Variants in R3HDM1 observed in about 807,000 individuals in gnomAD.
R3HDM1 encodes R3H domain-containing protein 1.
A neutral mutation model predicts 141.1 loss-of-function variants in R3HDM1; 46 were observed. The ratio of observed to expected loss-of-function variants is 0.33; its 90% confidence interval spans 0.26 to 0.42. The LOEUF (loss-of-function observed/expected upper bound fraction) is 0.42. Among genes scored for constraint, R3HDM1 ranks in the 10% least tolerant of loss-of-function variants. R3HDM1 has a pLI of 1.00. For missense variants in R3HDM1, 1,184 were observed against 1,368.3 expected, an observed-to-expected ratio of 0.87 and a Z score of 2.12; for synonymous variants, 435 against 472.9, an observed-to-expected ratio of 0.92 and a Z score of 1.04.
At chr2:135,588,894 A>G (rs1309367167) in intron 1 of R3HDM1, among the ~76,000 whole-genome samples, 1 of 152,180 alleles carries the variant, frequency 6.6e-6, no homozygotes, top group Non-Finnish European at 1.5e-5. Flanking sequence ...AACAGCAGAT[A>G]TATGCTAGTA....
rs1008529997 is a variant in R3HDM1, at chr2:135,628,881, C to A, written c.498-2837C>A. Among the ~76,000 whole-genome samples the A allele has an allele frequency of 2.0e-5, 3 of 152,294 alleles. No homozygotes were observed. The East Asian group carries it at 5.8e-4, about 30-fold the overall frequency. ...CCTCAGGTGACCTGCCCACCTCAAC[C>A]TCCCAAAGTACTGGGATTACAGGCG... On this transcript the variant is annotated intron_variant, in intron 7 of 26. Coordinates refer to ENST00000683871, the MANE Select transcript of R3HDM1 (RefSeq NM_001378107.1).
intron 1 of R3HDM1, among the ~76,000 whole-genome samples, chr2:135,555,296 CAAAA>C (rs59569889): frequency 3.8e-5 from 3 of 79,524 alleles, no homozygotes; most frequent in South Asian, 4.4e-4. Flanking sequence ...ACTCTTGTCT[CAAAA>C]AAAAAAAAAA....
intron 1 of R3HDM1, among the ~76,000 whole-genome samples, chr2:135,532,654 TTTAAA>T (rs1695161490): frequency 6.6e-6 from 1 of 152,144 alleles, no homozygotes; most frequent in African/African-American, 2.4e-5. Context: ...GACAAAAACT[TTTAAA>T]TGAAAAGATG....
At chr2:135,614,018 C>T (rs971308797) in intron 3 of R3HDM1, among the ~76,000 whole-genome samples, 2 of 152,196 alleles carry the variant, frequency 1.3e-5, no homozygotes, top group African/African-American at 4.8e-5. Flanking sequence ...ACTTTAGTAA[C>T]TAATTCTGGA....
At chr2:135,691,552 G>T (rs1299199397) in intron 21 of R3HDM1, among the ~76,000 whole-genome samples, 3 of 151,980 alleles carry the variant, frequency 2.0e-5, no homozygotes, top group Non-Finnish European at 4.4e-5. Context: ...GCTGCAGTGA[G>T]CTGAGATCAA....
intron 21 of R3HDM1, among the ~76,000 whole-genome samples, chr2:135,706,569 G>A (rs2074952876): frequency 1.3e-5 from 2 of 151,920 alleles, no homozygotes. Flanking sequence ...ATTAGGGAGT[G>A]GTGATGACTC....
intron 3 of R3HDM1, among the ~76,000 whole-genome samples, chr2:135,611,176 C>G (rs183474266): frequency 6.6e-6 from 1 of 150,748 alleles, no homozygotes; most frequent in Non-Finnish European, 1.5e-5. Flanking sequence ...AATCCCAGCA[C>G]GTTGGGAGGC....
At chr2:135,630,666 A>G (rs1559292716) in intron 7 of R3HDM1, among the ~76,000 whole-genome samples, 1 of 152,174 alleles carries the variant, frequency 6.6e-6, no homozygotes, top group Admixed American at 6.5e-5. Flanking sequence ...CAGTTCTTCT[A>G]TTGAAATTGA....
At chr2:135,572,481 C>T (rs751334521) in intron 1 of R3HDM1, among the ~76,000 whole-genome samples, 2 of 152,074 alleles carry the variant, frequency 1.3e-5, no homozygotes, top group Non-Finnish European at 2.9e-5. Flanking sequence ...AAATCAAAAC[C>T]ACAATGAGAT....
intron 1 of R3HDM1, among the ~76,000 whole-genome samples, chr2:135,600,970 A>T (rs1376819071): frequency 6.6e-6 from 1 of 152,130 alleles, no homozygotes; most frequent in African/African-American, 2.4e-5. Context: ...CTATTGCCTT[A>T]TCTAGTACCT....
At chr2:135,580,739 C>T (rs1706623629) in intron 1 of R3HDM1, among the ~76,000 whole-genome samples, 1 of 152,174 alleles carries the variant, frequency 6.6e-6, no homozygotes, top group East Asian at 1.9e-4. Flanking sequence ...AAACTCTTAG[C>T]TTTCCTTGAA....
rs769568195 is a variant in R3HDM1 at position 135,724,494 on chromosome 2, G to A, written c.*202G>A. ...CCCACATGACTAGGAATCCACATCAGAATGATACAGAGTTAGCAGGTTTTT... is the reference window on the plus strand; with the variant it reads ...CCCACATGACTAGGAATCCACATCAAAATGATACAGAGTTAGCAGGTTTTT... On this transcript the variant is annotated 3_prime_UTR_variant, in exon 27 of 27. Coordinates refer to ENST00000683871, the MANE Select transcript of R3HDM1 (RefSeq NM_001378107.1). 2.9e-4 allele frequency: 144 copies of A among 498,034 alleles called. No homozygotes were observed. The highest frequency in any genetic ancestry group is 4.5e-4 in the Non-Finnish European group (127 of 283,296). The allele number at this position is 498,034 out of a possible 1,614,324, so 30.9% of individuals were successfully genotyped here. A position where few individuals can be genotyped will look rare whatever the true frequency, so the allele number is the denominator to read the frequency against.
intron 21 of R3HDM1, among the ~76,000 whole-genome samples, chr2:135,687,468 C>T (rs1489913184): frequency 1.3e-5 from 2 of 152,182 alleles, no homozygotes; most frequent in Non-Finnish European, 2.9e-5. Context: ...GGATTTGTGA[C>T]ATCCATTTTA....
At chr2:135,566,084 C>T (rs1457165580) in intron 1 of R3HDM1, among the ~76,000 whole-genome samples, 2 of 152,136 alleles carry the variant, frequency 1.3e-5, no homozygotes, top group Non-Finnish European at 2.9e-5. Context: ...GCTTTTCTCC[C>T]AACAGATATA....
intron 3 of R3HDM1, among the ~76,000 whole-genome samples, chr2:135,615,050 A>T (rs1171760110): frequency 6.6e-6 from 1 of 152,056 alleles, no homozygotes; most frequent in Non-Finnish European, 1.5e-5. Context: ...TAAGAAACAA[A>T]GTCATTTTTC....
chr2:135,555,948 T>C (rs546172171), intron 1 of R3HDM1, among the ~76,000 whole-genome samples: 3 of 152,000 alleles, frequency 2.0e-5, no homozygotes, highest in Admixed American at 6.6e-5. Flanking sequence ...CCCAGGAGGT[T>C]GAGGCTGCAG....
At chr2:135,536,550 G>C (rs1453987641) in intron 1 of R3HDM1, 1 of 926,810 alleles carries the variant, frequency 1.1e-6, no homozygotes, top group Non-Finnish European at 1.3e-6. Flanking sequence ...AAAGAAATTA[G>C]GTAGAGAAAA....
In R3HDM1 at chr2:135,543,465, A is replaced by T. The variant is rs1232135817; in HGVS notation, c.-250+11832A>T. 7.0e-5 allele frequency among the ~76,000 whole-genome samples: 10 copies of T among 143,072 alleles called. No homozygotes were observed. In the East Asian group the frequency reaches 1.6e-3, roughly 23 times the overall value. 93.9% of individuals were successfully genotyped at this position (143,072 alleles called of 152,430 possible). The stretch of plus-strand genomic sequence containing the variant: ...CCTTTGGCTATTCCAGATCCCATTT[A>T]TTATTCTATATAGTTTAGGGTCAGG... On this transcript the variant is annotated intron_variant, in intron 1 of 26. Transcript: ENST00000683871.
chr2:135,679,405 T>TAA (rs2069826627), intron 20 of R3HDM1, among the ~76,000 whole-genome samples: 1 of 152,186 alleles, frequency 6.6e-6, no homozygotes, highest in Non-Finnish European at 1.5e-5. Context: ...TTTCTTCTGA[T>TAA]AAGAAGCTAA....
Sources: allele counts gnomAD v4.1 joint callset (sites outside exome capture counted in the v4.1 genomes callset), GRCh38; gene constraint gnomAD v4.1.1; transcripts MANE v1.5; gene names NCBI Gene and HGNC (gene_info 2026-07-23, HGNC 2026-07-21).